The following RHPN2 variants were observed in gnomAD, a reference collection of about 807,000 sequenced individuals.
RHPN2 encodes the protein rhophilin-2.
RHPN2 carries 40 observed loss-of-function variants against 79.0 expected under a neutral mutation model. That is an observed-to-expected ratio of 0.51 (90% CI 0.39 to 0.66). The LOEUF is 0.66. Ranked by LOEUF, RHPN2 falls within the 30% of genes least tolerant of loss-of-function variation. The pLI is 0.00. For missense variants in RHPN2, 686 were observed against 883.5 expected, an observed-to-expected ratio of 0.78 and a Z score of 2.83; for synonymous variants, 285 against 363.5, an observed-to-expected ratio of 0.78 and a Z score of 2.46.
chr19:33,045,909 G>C (rs2145264471), intron 1 of RHPN2, among the ~76,000 whole-genome samples: 1 of 152,296 alleles, frequency 6.6e-6, no homozygotes, highest in Non-Finnish European at 1.5e-5. Context: ...TTACAGGTTT[G>C]CTTATTCAAG....
chr19:33,042,386 C>T (rs2216595), intron 2 of RHPN2, among the ~76,000 whole-genome samples: 59,236 of 152,000 alleles, frequency 0.39, 15,367 homozygotes, highest in African/African-American at 0.71. Context: ...GTCCCAAAAT[C>T]GGGGGCCTCT....
At chr19:33,064,412 C>G (rs1047200646) in intron 1 of RHPN2, among the ~76,000 whole-genome samples, 1 of 151,314 alleles carries the variant, frequency 6.6e-6, no homozygotes, top group African/African-American at 2.4e-5. Context: ...GCCCAGAGGC[C>G]AAGGGCGCCA....
rs368366746 is a variant in RHPN2, at chr19:33,011,796, C to T, written c.476G>A (p.Arg159Gln). 2.2e-5 allele frequency: 35 copies of T among 1,613,776 alleles called. 1 individual carries two copies. The African/African-American group carries it at 2.4e-4, about 11-fold the overall frequency. ...ADLMDLRQAC[R>Q]TPSRDEAGVE... ...CCCGGCCTCATCCCGGCTAGGCGTC[C>T]GACAAGCCTGCAAGGAAAAGAACCC... Residue 159 changes from arginine (R) to glutamine (Q), a missense_variant, in exon 6 of 15, where the codon CGG becomes CAG. Physicochemically the swap from Arg to Gln is conservative, Grantham distance 43 (BLOSUM62 1). Coordinates refer to ENST00000254260, the MANE Select transcript of RHPN2 (RefSeq NM_033103.5).
chr19:32,983,242 G>A (rs1397191606), intron 14 of RHPN2, among the ~76,000 whole-genome samples: 1 of 152,002 alleles, frequency 6.6e-6, no homozygotes, highest in African/African-American at 2.4e-5. Context: ...GCGGGGCGTG[G>A]TGGCTCACGC....
chr19:33,062,920 A>G (rs1972293928), intron 1 of RHPN2, among the ~76,000 whole-genome samples: 1 of 152,124 alleles, frequency 6.6e-6, no homozygotes, highest in Non-Finnish European at 1.5e-5. Context: ...GGGCTCCCAC[A>G]GGAAAATGTG....
At position 33,002,244 on chromosome 19, in the gene RHPN2, T is replaced by C; in HGVS notation, c.1105+3A>G. ...CCAAACTCCCGAACCCCCCAGGCCT[T>C]ACCCTGGTGGTCGATGAGGAGGATG... On this transcript the variant is annotated splice_donor_region_variant and intron_variant, in intron 9 of 14. Transcript: ENST00000254260. The C allele has an allele frequency of 3.7e-6, 6 of 1,611,724 alleles. No individual in the cohort carries two copies. Among genetic ancestry groups the C allele is most frequent in the East Asian group, 2.2e-5 (1 of 44,804 alleles).
chr19:32,990,167 G>GAAAGAAAGAAAGAAAGAA (rs1491437447), intron 14 of RHPN2, among the ~76,000 whole-genome samples: 18,911 of 144,690 alleles, frequency 0.13, 1,483 homozygotes, highest in Non-Finnish European at 0.14. Context: ...GAAAGAAAGA[G>GAAAGAAAGAAAGAAAGAA]CGAGCCAGGG....
At chr19:33,005,306 C>T (rs1461423390) in intron 7 of RHPN2, among the ~76,000 whole-genome samples, 1 of 149,362 alleles carries the variant, frequency 6.7e-6, no homozygotes, top group Admixed American at 6.8e-5. Context: ...CCAGCTACTC[C>T]GGAGGCTGAG....
intron 4 of RHPN2, among the ~76,000 whole-genome samples, chr19:33,019,856 C>T (rs1971909024): frequency 6.6e-6 from 1 of 152,134 alleles, no homozygotes. Flanking sequence ...TAACCAATGC[C>T]TGGGCTGCAT....
chr19:33,040,231 CT>C (rs1007486362), intron 2 of RHPN2, among the ~76,000 whole-genome samples: 9,395 of 97,614 alleles, frequency 0.096, 146 homozygotes, highest in South Asian at 0.18. Context: ...GGCAACCTGC[CT>C]TTTTTTTTTT....
intron 1 of RHPN2, among the ~76,000 whole-genome samples, chr19:33,048,119 G>C (rs907873326): frequency 1.3e-5 from 2 of 151,798 alleles, no homozygotes; most frequent in South Asian, 4.2e-4. Context: ...GCAGTGGTAC[G>C]ATCTCAGCTC....
At chr19:32,980,897 G>A (rs1393581628) in intron 14 of RHPN2, among the ~76,000 whole-genome samples, 1 of 151,156 alleles carries the variant, frequency 6.6e-6, no homozygotes, top group African/African-American at 2.4e-5. Context: ...GAGTGTAGTG[G>A]TACGATCTCG....
intron 1 of RHPN2, among the ~76,000 whole-genome samples, chr19:33,056,836 G>A (rs1187386124): frequency 4.0e-5 from 6 of 151,734 alleles, no homozygotes; most frequent in Non-Finnish European, 7.4e-5. Context: ...CAGGCCGGGC[G>A]CAGTGGCTCA....
intron 1 of RHPN2, among the ~76,000 whole-genome samples, chr19:33,052,005 A>AG: frequency 6.6e-6 from 1 of 152,062 alleles, no homozygotes; most frequent in East Asian, 1.9e-4. Flanking sequence ...AAAAAAAAAA[A>AG]AAAAGAATTA....
intron 12 of RHPN2, chr19:32,992,212 CT>C (rs898227369): frequency 4.6e-4 from 224 of 484,562 alleles, no homozygotes; most frequent in Middle Eastern, 1.2e-3. Flanking sequence ...ATCTTTTTCT[CT>C]TTTTTTTTGA....
intron 1 of RHPN2, among the ~76,000 whole-genome samples, chr19:33,048,731 A>AAAAAAACAAC (rs2145266604): frequency 6.6e-6 from 1 of 151,106 alleles, no homozygotes; most frequent in African/African-American, 2.4e-5. Context: ...GTCTCAAAAA[A>AAAAAAACAAC]AAAAAAAAAA....
At chr19:32,992,462 A>G (rs539225321) in intron 12 of RHPN2, among the ~76,000 whole-genome samples, 102 of 152,322 alleles carry the variant, frequency 6.7e-4, no homozygotes, top group Non-Finnish European at 1.2e-3. Context: ...AAGTGCTGGG[A>G]TTAAAGGCGT....
rs376747898 is a variant in RHPN2 at position 33,021,706 on chromosome 19, C to T, written c.315-60G>A. The T allele has an allele frequency of 3.5e-5, 46 of 1,324,592 alleles. No individual in the cohort carries two copies. In the East Asian group the frequency reaches 4.0e-4, roughly 12 times the overall value. The allele number at this position is 1,324,592 out of a possible 1,614,324, so 82.1% of individuals were successfully genotyped here. A position where few individuals can be genotyped will look rare whatever the true frequency, so the allele number is the denominator to read the frequency against. On this transcript the variant is annotated intron_variant, in intron 3 of 14. Transcript: ENST00000254260. ...CCCAACCGGACCCCTGTGCACCCCA[C>T]GGCCTTGCCCTCAGCAGCCCAAGCT...
intron 10 of RHPN2, among the ~76,000 whole-genome samples, chr19:32,997,899 A>T (rs763926798): frequency 2.0e-5 from 3 of 152,210 alleles, no homozygotes; most frequent in Non-Finnish European, 4.4e-5. Context: ...TTCAAGGGCA[A>T]GGAGGAGCTA....
Sources: gnomAD v4.1 joint callset for allele counts (sites outside exome capture counted in the v4.1 genomes callset) on GRCh38, gnomAD v4.1.1 for gene constraint, MANE v1.5 for transcripts, NCBI Gene and HGNC (gene_info 2026-07-23, HGNC 2026-07-21) for gene names.